The following TASOR variants were observed in gnomAD, a reference collection of about 807,000 sequenced individuals.
TASOR encodes protein TASOR.
TASOR carries 53 observed loss-of-function variants against 178.6 expected under a neutral mutation model. The observed-to-expected ratio is 0.30, with a 90% CI of 0.24 to 0.37. The LOEUF (loss-of-function observed/expected upper bound fraction) is 0.37. Among genes scored for constraint, TASOR ranks in the 10% least tolerant of loss-of-function variants. The pLI, the probability that TASOR is intolerant of heterozygous loss-of-function variation, is 1.00. For synonymous variants in TASOR, 713 were observed against 696.2 expected, an observed-to-expected ratio of 1.02 and a Z score of -0.38; for missense variants, 1,815 against 1,971.4, an observed-to-expected ratio of 0.92 and a Z score of 1.50.
intron 1 of TASOR, 133 bp downstream of exon 1, chr3:56,682,543 T>C (rs2031895235): frequency 1.3e-6 from 1 of 788,058 alleles, no homozygotes; most frequent in African/African-American, 1.9e-5. Flanking sequence ...GCCGTGGCGG[T>C]GAGGGGAGAG....
intron 11 of TASOR, among the ~76,000 whole-genome samples, chr3:56,658,583 G>A (rs2077521089): frequency 6.6e-6 from 1 of 152,202 alleles, no homozygotes; most frequent in Admixed American, 6.5e-5. Context: ...AACAAGCCAT[G>A]TAATACAAAC....
rs555794346 is a variant in TASOR, at chr3:56,645,643, G to A, written c.2215+879C>T. 5.3e-5 allele frequency among the ~76,000 whole-genome samples: 8 copies of A among 152,140 alleles called. No individual in the cohort carries two copies. The South Asian group carries it at 1.0e-3, about 20-fold the overall frequency. The stretch of plus-strand genomic sequence containing the variant: ...TGAAACAAACACACTTAAAACAAGC[G>A]CCTTACATGTCTATCTTTTTCTGTC... On this transcript the variant is annotated intron_variant, in intron 14 of 23. Coordinates refer to ENST00000683822, the MANE Select transcript of TASOR (RefSeq NM_001365635.2).
chr3:56,629,695 A>C lies in TASOR; in HGVS notation c.3748-1081T>G, dbSNP rs141504368. Among the ~76,000 whole-genome samples the C allele has an allele frequency of 3.9e-5, 6 of 152,268 alleles. No individual in the cohort carries two copies. In the East Asian group the frequency reaches 1.2e-3, roughly 30 times the overall value. On this transcript the variant is annotated intron_variant, in intron 18 of 23. Transcript: ENST00000683822. Reference sequence around the variant, plus strand: ...CTGGTGGAATCCTGAACACTGAAGCAAACTGCAGGATCCTGGAGGTCATAT... The same window carrying C: ...CTGGTGGAATCCTGAACACTGAAGCCAACTGCAGGATCCTGGAGGTCATAT...
Position 56,647,117 on chromosome 3 carries a change from C to T in TASOR, c.1620G>A (p.Lys540=). Residue 540 remains lysine, a synonymous_variant, in exon 14 of 24, where the codon AAG becomes AAA. Coordinates refer to ENST00000683822, the MANE Select transcript of TASOR (RefSeq NM_001365635.2). ...TTATGGCGCTTATATTTTTGAATTC[C>T]TTTCGACACTGAATCAAAGAAAATT... is the stretch of plus-strand genomic sequence containing the variant. ...FLQFSLIQCR[K]EFKNISAINF... is the part of the protein sequence containing the mutation. 1.2e-6 allele frequency: 2 copies of T among 1,607,230 alleles called. No homozygotes were observed. Among genetic ancestry groups the T allele is most frequent in the Non-Finnish European group, 1.7e-6 (2 of 1,178,494 alleles).
Position 56,621,659 on chromosome 3 carries a change from C to CAAATT in TASOR, c.*1373_*1377dup. On this transcript the variant is annotated 3_prime_UTR_variant, in exon 24 of 24. Coordinates refer to ENST00000683822, the MANE Select transcript of TASOR (RefSeq NM_001365635.2). ...TCCTTCACATTTGATTTGTGTCTTC[C>CAAATT]AAATTATAAAATGTGCTCACTGGCT... 7.2e-7 allele frequency: 1 copy of CAAATT among 1,389,092 alleles called. No individual in the cohort carries two copies. The highest frequency in any genetic ancestry group is 2.3e-5 in the East Asian group (1 of 43,406). The allele number at this position is 1,389,092 out of a possible 1,614,324, so 86.0% of individuals were successfully genotyped here.
chr3:56,678,475 C>T (rs759100263), intron 1 of TASOR, among the ~76,000 whole-genome samples: 6 of 151,886 alleles, frequency 4.0e-5, no homozygotes, highest in Non-Finnish European at 8.8e-5. Flanking sequence ...TCCACCATGC[C>T]CAGCCCACAC....
rs529158153 is a variant in TASOR, at chr3:56,673,239, A to G, written c.477+341T>C. Among the ~76,000 whole-genome samples, 623 of 152,286 alleles carry G rather than the reference A, an allele frequency of 4.1e-3. 3 individuals carry two copies. Among genetic ancestry groups the G allele is most frequent in the Non-Finnish European group, 6.3e-3 (427 of 68,024 alleles). ...CAGATAAATGTAATGCTACAGCAAC[A>G]TCTGGTGGAAAAAAGAGATGTCATT... On this transcript the variant is annotated intron_variant, in intron 2 of 23. Coordinates refer to ENST00000683822, the MANE Select transcript of TASOR (RefSeq NM_001365635.2).
chr3:56,655,954 T>C (rs6445812), intron 11 of TASOR, among the ~76,000 whole-genome samples: 28,183 of 152,142 alleles, frequency 0.19, 3,441 homozygotes, highest in South Asian at 0.41. Context: ...GCTGATGACA[T>C]AGACATTGTG....
chr3:56,636,982 G>C (rs2077030389), intron 17 of TASOR, among the ~76,000 whole-genome samples: 1 of 151,550 alleles, frequency 6.6e-6, no homozygotes, highest in African/African-American at 2.4e-5. Flanking sequence ...GACCATCCTG[G>C]CCAACATGGT....
intron 1 of TASOR, among the ~76,000 whole-genome samples, chr3:56,677,065 C>T (rs1195817699): frequency 6.6e-6 from 1 of 152,176 alleles, no homozygotes; most frequent in African/African-American, 2.4e-5. Context: ...TTCAAGTCAA[C>T]TTGCTGCTAA....
chr3:56,621,818 T>TAAA lies in TASOR; in HGVS notation c.*1216_*1218dup, dbSNP rs11401064. The TAAA allele has an allele frequency of 0.019, 2,577 of 133,994 alleles. 63 individuals are homozygous for TAAA. The highest frequency in any genetic ancestry group is 0.066 in the African/African-American group (2,267 of 34,516). 8.3% of individuals were successfully genotyped at this position (133,994 alleles called of 1,614,324 possible). On this transcript the variant is annotated 3_prime_UTR_variant, in exon 24 of 24. Coordinates refer to ENST00000683822, the MANE Select transcript of TASOR (RefSeq NM_001365635.2). Reference sequence around the variant, plus strand: ...TACTTCTTTTGTAAAAGCTTAGTAGTAAAAAAAAAAAAAAAAAAACCGGTT... The same window carrying TAAA: ...TACTTCTTTTGTAAAAGCTTAGTAGTAAAAAAAAAAAAAAAAAAAAAACCGGTT...
chr3:56,623,418 ATTC>A lies in TASOR; in HGVS notation c.4629_4631del (p.Lys1543del), dbSNP rs1244493094. 15 of 1,613,624 alleles carry A rather than the reference ATTC, an allele frequency of 9.3e-6. No homozygotes were observed. The highest frequency in any genetic ancestry group is 1.3e-5 in the African/African-American group (1 of 74,910). ...GAGACGATTGCAACTCAATTTGAGT[ATTC>A]TTTTTTTGATCTGTTCCACGTGATC... On this transcript the variant is annotated inframe_deletion, in exon 24 of 24. Coordinates refer to ENST00000683822, the MANE Select transcript of TASOR (RefSeq NM_001365635.2).
chr3:56,630,327 TAA>T (rs1437923277), intron 18 of TASOR, among the ~76,000 whole-genome samples: 1 of 152,346 alleles, frequency 6.6e-6, no homozygotes, highest in East Asian at 1.9e-4. Context: ...CAGAAATATA[TAA>T]AGTTTACATT....
chr3:56,683,123 C>A lies in TASOR; in HGVS notation c.-117G>T. The stretch of plus-strand genomic sequence containing the variant: ...GCTCTCAGCCCACCCACCCCCTTCC[C>A]CCCGTGGCCTCAGGCTGCGCTCCCG... On this transcript the variant is annotated 5_prime_UTR_variant, in exon 1 of 24. Transcript: ENST00000683822. The A allele has an allele frequency of 8.2e-7, 1 of 1,222,488 alleles. No homozygotes were observed. Among genetic ancestry groups the A allele is most frequent in the Non-Finnish European group, 1.1e-6 (1 of 906,588 alleles). The allele number at this position is 1,222,488 out of a possible 1,614,324, so 75.7% of individuals were successfully genotyped here.
chr3:56,638,898 G>T (rs1222313638), intron 16 of TASOR, 133 bp from the exon 17 acceptor site: 3 of 805,324 alleles, frequency 3.7e-6, no homozygotes, highest in African/African-American at 3.4e-5. Context: ...GGTCATACTG[G>T]TGATGATGGA....
intron 1 of TASOR, among the ~76,000 whole-genome samples, chr3:56,674,338 A>C (rs1343145839): frequency 6.7e-6 from 1 of 150,084 alleles, no homozygotes; most frequent in African/African-American, 2.5e-5. Context: ...CTGTCTCTAC[A>C]AACCATTAAA....
chr3:56,638,520 CTCTT>C (rs761941565), intron 17 of TASOR, among the ~76,000 whole-genome samples, 182 bp downstream of exon 17: 2 of 152,138 alleles, frequency 1.3e-5, no homozygotes, highest in Non-Finnish European at 2.9e-5. Context: ...TATCTGAACA[CTCTT>C]TATAGTAAGA....
chr3:56,630,860 T>A (rs893581991), intron 18 of TASOR, among the ~76,000 whole-genome samples: 4 of 145,398 alleles, frequency 2.8e-5, no homozygotes, highest in Non-Finnish European at 6.0e-5. Flanking sequence ...AATAAATAAA[T>A]TTTTTAAAAT....
At chr3:56,629,878 T>C (rs2076873548) in intron 18 of TASOR, among the ~76,000 whole-genome samples, 1 of 152,196 alleles carries the variant, frequency 6.6e-6, no homozygotes, top group South Asian at 2.1e-4. Context: ...TACACTGATT[T>C]TGATCCAATC....
Sources: allele counts gnomAD v4.1 joint callset (sites outside exome capture counted in the v4.1 genomes callset), GRCh38; gene constraint gnomAD v4.1.1; transcripts MANE v1.5; gene names NCBI Gene and HGNC (gene_info 2026-07-23, HGNC 2026-07-21).